MAPKAP1: variants seen among roughly 807,000 people sequenced by gnomAD.
MAPKAP1 encodes target of rapamycin complex 2 subunit MAPKAP1.
A neutral mutation model predicts 65.7 loss-of-function variants in MAPKAP1; 20 were observed. That is an observed-to-expected ratio of 0.30 (90% CI 0.21 to 0.44). MAPKAP1 has a LOEUF of 0.44. Among genes scored for constraint, MAPKAP1 ranks in the 20% least tolerant of loss-of-function variants. MAPKAP1 has a pLI of 1.00. For synonymous variants in MAPKAP1, 222 were observed against 244.3 expected, an observed-to-expected ratio of 0.91 and a Z score of 0.85; for missense variants, 423 against 648.0, an observed-to-expected ratio of 0.65 and a Z score of 3.77.
At chr9:125,643,774 T>C (rs1193309793) in intron 4 of MAPKAP1, among the ~76,000 whole-genome samples, 2 of 152,200 alleles carry the variant, frequency 1.3e-5, no homozygotes, top group Admixed American at 1.3e-4. Flanking sequence ...TATATATAAT[T>C]AGGCTTTTGA....
At chr9:125,443,249 G>T (rs1312066006) in intron 11 of MAPKAP1, among the ~76,000 whole-genome samples, 1 of 152,198 alleles carries the variant, frequency 6.6e-6, no homozygotes, top group African/African-American at 2.4e-5. Context: ...TGTCTCATCT[G>T]ATTTGTACTC....
At position 125,543,427 on chromosome 9, in the gene MAPKAP1, C is replaced by T. The variant is rs187157612; in HGVS notation, c.849-259G>A. Among the ~76,000 whole-genome samples, 533 of 151,854 alleles carry T rather than the reference C, an allele frequency of 3.5e-3. 2 individuals are homozygous for T. Among genetic ancestry groups the T allele is most frequent in the African/African-American group, 0.012 (504 of 41,414 alleles). ...GACTACAGGCGCCCGCCACTACATCCGGCTAATTTTTTGTATTTTTTTTTT... is the reference window on the plus strand; with the variant it reads ...GACTACAGGCGCCCGCCACTACATCTGGCTAATTTTTTGTATTTTTTTTTT... On this transcript the variant is annotated intron_variant, in intron 6 of 11. Coordinates refer to ENST00000265960, the MANE Select transcript of MAPKAP1 (RefSeq NM_001006617.3).
At chr9:125,690,168 G>A (rs550487424) in intron 1 of MAPKAP1, among the ~76,000 whole-genome samples, 1 of 152,262 alleles carries the variant, frequency 6.6e-6, no homozygotes, top group South Asian at 2.1e-4. Flanking sequence ...TCACAGAAGA[G>A]ACTAAGATCA....
intron 11 of MAPKAP1, among the ~76,000 whole-genome samples, chr9:125,443,084 C>T (rs537524813): frequency 5.3e-5 from 8 of 152,334 alleles, no homozygotes; most frequent in African/African-American, 1.9e-4. Flanking sequence ...CATGATCTCA[C>T]AGAGCTGTGA....
chr9:125,447,372 T>A lies in MAPKAP1; in HGVS notation c.1346-2774A>T. On this transcript the variant is annotated intron_variant, in intron 10 of 11. Coordinates refer to ENST00000265960, the MANE Select transcript of MAPKAP1 (RefSeq NM_001006617.3). This position sits in a 1 kb window ranked among gnomAD's most constrained non-coding sequence, Gnocchi z 4.5. Reference sequence around the variant, plus strand: ...GGCAGAGAACGTTCTGTGGAGCACTTGTGTTTGGACTTGAACAATGACACA... The same window carrying A: ...GGCAGAGAACGTTCTGTGGAGCACTAGTGTTTGGACTTGAACAATGACACA... 1 of 456,460 alleles carries A rather than the reference T, an allele frequency of 2.2e-6. No homozygotes were observed. The highest frequency in any genetic ancestry group is 4.4e-6 in the Non-Finnish European group (1 of 226,892). The allele number at this position is 456,460 out of a possible 1,614,324, so 28.3% of individuals were successfully genotyped here.
chr9:125,558,076 C>T (rs931756775), intron 6 of MAPKAP1, among the ~76,000 whole-genome samples: 14 of 152,194 alleles, frequency 9.2e-5, no homozygotes, highest in Admixed American at 2.0e-4. Flanking sequence ...AAGCTGGTTT[C>T]GAACTCTTGA....
At position 125,583,937 on chromosome 9, in the gene MAPKAP1, C is replaced by T. The variant is rs149650510; in HGVS notation, c.671+1618G>A. Among the ~76,000 whole-genome samples the T allele has an allele frequency of 4.9e-3, 747 of 152,244 alleles. 5 individuals carry two copies. The highest frequency in any genetic ancestry group is 0.017 in the African/African-American group (706 of 41,526). ...AATTAGCTGGGCGTGGTGGTAGGTG[C>T]CTGTAGTCCCAGCTACTCGGGAGGC... On this transcript the variant is annotated intron_variant, in intron 5 of 11. Coordinates refer to ENST00000265960, the MANE Select transcript of MAPKAP1 (RefSeq NM_001006617.3).
At chr9:125,671,152 C>T (rs936686369) in intron 2 of MAPKAP1, among the ~76,000 whole-genome samples, 6 of 152,296 alleles carry the variant, frequency 3.9e-5, no homozygotes, top group Admixed American at 1.3e-4. Flanking sequence ...TCTCAATAAC[C>T]TGCAAGGAAG....
chr9:125,693,718 CACGT>C lies in MAPKAP1; in HGVS notation c.-70+13249_-70+13252del, dbSNP rs1564620335. 5.9e-5 allele frequency among the ~76,000 whole-genome samples: 7 copies of C among 118,572 alleles called. 1 individual carries two copies. The highest frequency in any genetic ancestry group is 2.5e-4 in the South Asian group (1 of 3,928). The allele number at this position is 118,572 out of a possible 152,430, so 77.8% of individuals were successfully genotyped here. A position where few individuals can be genotyped will look rare whatever the true frequency, so the allele number is the denominator to read the frequency against. ...ATACACGTATATATACACATATATA[CACGT>C]ATATACACATATATACACGTATATA... On this transcript the variant is annotated intron_variant, in intron 1 of 11. Coordinates refer to ENST00000265960, the MANE Select transcript of MAPKAP1 (RefSeq NM_001006617.3).
intron 1 of MAPKAP1, among the ~76,000 whole-genome samples, chr9:125,673,979 GT>G (rs1182741443): frequency 6.6e-6 from 1 of 151,604 alleles, no homozygotes; most frequent in East Asian, 1.9e-4. Flanking sequence ...AAAAAACACT[GT>G]AATAATATTT....
Position 125,616,929 on chromosome 9 carries a change from TA to T in MAPKAP1, c.499-31203del, listed in dbSNP as rs202067855. Among the ~76,000 whole-genome samples, 305 of 152,316 alleles carry T rather than the reference TA, an allele frequency of 2.0e-3. 3 individuals are homozygous for T. Among genetic ancestry groups the T allele is most frequent in the Admixed American group, 0.014 (219 of 15,304 alleles). On this transcript the variant is annotated intron_variant, in intron 4 of 11. Transcript: ENST00000265960. Reference sequence around the variant, plus strand: ...TTAAATAAAATAGAATTGATTAGAATAAAAAATAGCATGCATTTGTACTTAG... The same window carrying T: ...TTAAATAAAATAGAATTGATTAGAATAAAAATAGCATGCATTTGTACTTAG...
rs1832087578 is a variant in MAPKAP1 at position 125,595,118 on chromosome 9, A to G, written c.499-9391T>C. On this transcript the variant is annotated intron_variant, in intron 4 of 11. Coordinates refer to ENST00000265960, the MANE Select transcript of MAPKAP1 (RefSeq NM_001006617.3). The surrounding 1 kb of genome is among the most constrained non-coding windows in gnomAD (Gnocchi z 4.0). Reference sequence around the variant, plus strand: ...TGGAAGCTGTTTACAATATTCCATTATTATAAATAATCTCATAAACATTTT... The same window carrying G: ...TGGAAGCTGTTTACAATATTCCATTGTTATAAATAATCTCATAAACATTTT... 6.6e-6 allele frequency among the ~76,000 whole-genome samples: 1 copy of G among 152,242 alleles called. No individual in the cohort carries two copies. Among genetic ancestry groups the G allele is most frequent in the Non-Finnish European group, 1.5e-5 (1 of 68,038 alleles).
chr9:125,530,281 T>C (rs1007156218), intron 7 of MAPKAP1, among the ~76,000 whole-genome samples: 8 of 152,214 alleles, frequency 5.3e-5, no homozygotes, highest in Non-Finnish European at 7.3e-5. Flanking sequence ...TGGTGCAGAC[T>C]GAGACTCTTC....
chr9:125,524,335 CAT>C (rs938299868), intron 7 of MAPKAP1, among the ~76,000 whole-genome samples: 7 of 152,212 alleles, frequency 4.6e-5, no homozygotes, highest in East Asian at 1.9e-4. Context: ...ATTTCTAACT[CAT>C]GTGGTTATTA....
intron 9 of MAPKAP1, chr9:125,471,380 T>A (rs1853916731): frequency 6.5e-6 from 1 of 153,052 alleles, no homozygotes; most frequent in Non-Finnish European, 1.5e-5. Flanking sequence ...AGGAAGCAGG[T>A]GCCACAGCCC....
At chr9:125,669,289 T>G (rs1834429676) in intron 3 of MAPKAP1, among the ~76,000 whole-genome samples, 1 of 151,896 alleles carries the variant, frequency 6.6e-6, no homozygotes, top group Admixed American at 6.6e-5. Context: ...AAGACCAGCC[T>G]GGCCAACATG....
chr9:125,621,900 G>A (rs576617209), intron 4 of MAPKAP1, among the ~76,000 whole-genome samples: 2 of 152,292 alleles, frequency 1.3e-5, no homozygotes, highest in East Asian at 1.9e-4. Flanking sequence ...ACCAACAGAT[G>A]AACAGATAAG....
At chr9:125,493,629 C>T (rs1323450930) in intron 8 of MAPKAP1, among the ~76,000 whole-genome samples, 1 of 152,218 alleles carries the variant, frequency 6.6e-6, no homozygotes, top group Non-Finnish European at 1.5e-5. Context: ...ACATACCTTT[C>T]CTCGTTTTCC....
chr9:125,625,902 T>C lies in MAPKAP1; in HGVS notation c.498+31749A>G, dbSNP rs920896523. 2.0e-5 allele frequency among the ~76,000 whole-genome samples: 3 copies of C among 152,354 alleles called. No homozygotes were observed. In the South Asian group the frequency reaches 6.2e-4, roughly 32 times the overall value. On this transcript the variant is annotated intron_variant, in intron 4 of 11. Coordinates refer to ENST00000265960, the MANE Select transcript of MAPKAP1 (RefSeq NM_001006617.3). Reference sequence around the variant, plus strand: ...TTTAGTTTCAAGTTTTAATCCTTCTTCTGTCTGAAAAATAGGCTACATTTG... The same window carrying C: ...TTTAGTTTCAAGTTTTAATCCTTCTCCTGTCTGAAAAATAGGCTACATTTG...
Sources: allele counts gnomAD v4.1 joint callset (sites outside exome capture counted in the v4.1 genomes callset), GRCh38; gene constraint gnomAD v4.1.1; non-coding constraint Gnocchi (gnomAD v3.1); transcripts MANE v1.5; gene names NCBI Gene and HGNC (gene_info 2026-07-23, HGNC 2026-07-21).